DIAPH3: variants seen among roughly 807,000 people sequenced by gnomAD.
DIAPH3 encodes the protein protein diaphanous homolog 3.
A neutral mutation model predicts 144.3 loss-of-function variants in DIAPH3; 117 were observed. The ratio of observed to expected loss-of-function variants is 0.81; its 90% confidence interval spans 0.70 to 0.95. The LOEUF (loss-of-function observed/expected upper bound fraction) is 0.95, where lower values mean the gene tolerates loss of function less well. Among genes scored for constraint, DIAPH3 ranks in the 40% least tolerant of loss-of-function variants. The pLI, the probability that DIAPH3 is intolerant of heterozygous loss-of-function variation, is 0.00. For synonymous variants in DIAPH3, 519 were observed against 488.9 expected (o/e 1.06, Z -0.81); for missense variants, 1,421 against 1,412.7 (o/e 1.01, Z -0.09).
chr13:60,056,770 G>C (rs1458848892), intron 4 of DIAPH3, among the ~76,000 whole-genome samples: 3 of 151,774 alleles, frequency 2.0e-5, no homozygotes, highest in Admixed American at 1.3e-4. Context: ...ACTTCTATTG[G>C]CCAAATCTAT....
At chr13:59,907,549 C>T (rs1313725652) in intron 20 of DIAPH3, among the ~76,000 whole-genome samples, 1 of 152,192 alleles carries the variant, frequency 6.6e-6, no homozygotes, top group Non-Finnish European at 1.5e-5. Flanking sequence ...GCTCTAAGGC[C>T]TTGAAATCAT....
intron 25 of DIAPH3, among the ~76,000 whole-genome samples, chr13:59,788,167 A>G (rs185610439): frequency 7.2e-5 from 11 of 152,374 alleles, no homozygotes; most frequent in East Asian, 1.9e-4. Flanking sequence ...AAATACATCA[A>G]TGAGAGATCA....
At chr13:59,751,062 T>C (rs1320689285) in intron 27 of DIAPH3, among the ~76,000 whole-genome samples, 3 of 152,266 alleles carry the variant, frequency 2.0e-5, no homozygotes, top group Non-Finnish European at 4.4e-5. Context: ...GGGCACTGCG[T>C]GCTGTTCACC....
At chr13:59,874,907 G>A (rs2044516536) in intron 21 of DIAPH3, among the ~76,000 whole-genome samples, 1 of 152,040 alleles carries the variant, frequency 6.6e-6, no homozygotes, top group Admixed American at 6.6e-5. Context: ...TTAGACATTA[G>A]TAAACATTAT....
chr13:60,099,484 C>T (rs144517460), intron 3 of DIAPH3, among the ~76,000 whole-genome samples: 2 of 152,272 alleles, frequency 1.3e-5, no homozygotes, highest in East Asian at 3.9e-4. Context: ...GCATGGCTGA[C>T]AGGGGAGCTG....
intron 27 of DIAPH3, among the ~76,000 whole-genome samples, chr13:59,734,128 T>G (rs191435806): frequency 7.3e-4 from 111 of 152,358 alleles, no homozygotes; most frequent in Non-Finnish European, 1.3e-3. Flanking sequence ...TTATTTATAT[T>G]CTTCAAACTG....
intron 3 of DIAPH3, among the ~76,000 whole-genome samples, chr13:60,100,637 C>T (rs2058242045): frequency 6.6e-6 from 1 of 151,940 alleles, no homozygotes; most frequent in Admixed American, 6.6e-5. Context: ...CAAGAATTCT[C>T]TATACTATTT....
chr13:59,805,363 A>ATT (rs2040137999), intron 25 of DIAPH3, among the ~76,000 whole-genome samples: 2 of 152,094 alleles, frequency 1.3e-5, no homozygotes, highest in African/African-American at 4.8e-5. Flanking sequence ...GGAATTAAGA[A>ATT]AAAGTTGTGC....
At chr13:59,857,244 G>A (rs1249698284) in intron 22 of DIAPH3, among the ~76,000 whole-genome samples, 1 of 152,044 alleles carries the variant, frequency 6.6e-6, no homozygotes, top group Non-Finnish European at 1.5e-5. Flanking sequence ...CCAGGTGGTT[G>A]CCACCTGGAA....
At chr13:59,869,377 C>T (rs2044121652) in intron 21 of DIAPH3, among the ~76,000 whole-genome samples, 1 of 152,080 alleles carries the variant, frequency 6.6e-6, no homozygotes, top group African/African-American at 2.4e-5. Context: ...TTTAATTTGA[C>T]ATGAGAGAGA....
intron 1 of DIAPH3, among the ~76,000 whole-genome samples, chr13:60,155,575 C>T (rs530811080): frequency 6.6e-6 from 1 of 152,308 alleles, no homozygotes; most frequent in South Asian, 2.1e-4. Flanking sequence ...TTACCTCCTT[C>T]TGAAGCTTAC....
rs746541900 is a variant in DIAPH3 at position 59,983,786 on chromosome 13, T to A, written c.1463A>T (p.Asp488Val). ...ATACTCACCTACAAACTGGGTTAAA[T>A]CTAAATCTAGTCTTTTTCGATATGT... ...DFTYRKRLDL[D>V]LTQFVDICID... The change falls in exon 13 of 28, where the codon GAT becomes GTT. Residue 488 changes from aspartate (D) to valine (V), a missense_variant. Transcript: ENST00000400324. 2 of 1,603,886 alleles carry A rather than the reference T, an allele frequency of 1.2e-6. No individual in the cohort carries two copies. Among genetic ancestry groups the A allele is most frequent in the Admixed American group, 1.7e-5 (1 of 59,686 alleles).
intron 24 of DIAPH3, among the ~76,000 whole-genome samples, chr13:59,820,843 T>C (rs73196124): frequency 0.044 from 6,667 of 150,380 alleles, 167 homozygotes; most frequent in African/African-American, 0.056. Context: ...TATTTAACTA[T>C]TAAAGTAGGC....
chr13:59,679,395 T>C (rs555666824), intron 27 of DIAPH3, among the ~76,000 whole-genome samples: 7 of 152,302 alleles, frequency 4.6e-5, no homozygotes, highest in Non-Finnish European at 1.5e-5. Context: ...CTGTAGATTC[T>C]TGCCTCAGGC....
At chr13:59,884,290 C>A (rs2045292807) in intron 20 of DIAPH3, among the ~76,000 whole-genome samples, 1 of 152,078 alleles carries the variant, frequency 6.6e-6, no homozygotes, top group South Asian at 2.1e-4. Context: ...AAGCTCAGGG[C>A]TCCCACTGAT....
At chr13:60,125,912 A>G (rs919218866) in intron 2 of DIAPH3, among the ~76,000 whole-genome samples, 2 of 152,176 alleles carry the variant, frequency 1.3e-5, no homozygotes, top group Non-Finnish European at 2.9e-5. Context: ...AGAAAGAAAC[A>G]TTGGAAAGGT....
chr13:59,833,675 T>A (rs1002394619), intron 23 of DIAPH3, among the ~76,000 whole-genome samples: 2 of 151,738 alleles, frequency 1.3e-5, no homozygotes, highest in Admixed American at 6.6e-5. Context: ...AAATTGGACA[T>A]CTTGGGATCA....
intron 27 of DIAPH3, among the ~76,000 whole-genome samples, chr13:59,707,064 T>C (rs934894623): frequency 3.9e-5 from 6 of 152,230 alleles, no homozygotes; most frequent in Non-Finnish European, 8.8e-5. Context: ...TATATCCATC[T>C]GTCTGAGAAA....
At chr13:60,037,444 C>G (rs1044654879) in intron 5 of DIAPH3, among the ~76,000 whole-genome samples, 2 of 151,924 alleles carry the variant, frequency 1.3e-5, no homozygotes, top group South Asian at 2.1e-4. Context: ...TTAAAGTATT[C>G]TTTGGTTCAA....
Sources: allele counts gnomAD v4.1 joint callset (sites outside exome capture counted in the v4.1 genomes callset), GRCh38; gene constraint gnomAD v4.1.1; transcripts MANE v1.5; gene names NCBI Gene and HGNC (gene_info 2026-07-23, HGNC 2026-07-21).